LHX4: variants seen among roughly 807,000 people sequenced by gnomAD.
The protein encoded by LHX4 is LIM/homeobox protein Lhx4.
In LHX4, 16 loss-of-function variants were observed where a neutral mutation model predicts 39.2. The ratio of observed to expected loss-of-function variants is 0.41; its 90% CI spans 0.28 to 0.62. The LOEUF (loss-of-function observed/expected upper bound fraction) is 0.62, where lower values mean the gene tolerates loss of function less well. Among genes scored for constraint, LHX4 ranks in the 20% least tolerant of loss-of-function variants. LHX4 has a pLI of 0.33. For synonymous variants in LHX4, 206 were observed against 198.1 expected (o/e 1.04, Z -0.33); for missense variants, 439 against 511.9 (o/e 0.86, Z 1.37).
At chr1:180,250,863 C>T (rs1339536995) in intron 2 of LHX4, among the ~76,000 whole-genome samples, 2 of 152,192 alleles carry the variant, frequency 1.3e-5, no homozygotes, top group Non-Finnish European at 2.9e-5. Context: ...AGGAAGCGCC[C>T]ACAGTGTGTG....
intron 1 of LHX4, among the ~76,000 whole-genome samples, chr1:180,242,879 T>A (rs916478279): frequency 3.3e-5 from 5 of 152,228 alleles, no homozygotes; most frequent in Admixed American, 1.3e-4. Flanking sequence ...ACTCCAAGCA[T>A]CTATGTAAAT....
intron 2 of LHX4, among the ~76,000 whole-genome samples, chr1:180,261,794 C>T (rs962798480): frequency 2.0e-5 from 3 of 152,216 alleles, no homozygotes; most frequent in Non-Finnish European, 2.9e-5. Context: ...TCAGCTCGCT[C>T]ACGCCGCCAG....
intron 2 of LHX4, among the ~76,000 whole-genome samples, chr1:180,265,412 T>C (rs1367726487): frequency 6.6e-6 from 1 of 152,164 alleles, no homozygotes; most frequent in African/African-American, 2.4e-5. Flanking sequence ...GCCCCCAAAT[T>C]TCCCTCGTCT....
At chr1:180,271,099 TGAG>T (rs1648621980) in intron 3 of LHX4, 1 of 510,500 alleles carries the variant, frequency 2.0e-6, no homozygotes. Flanking sequence ...TTCAATCTGA[TGAG>T]ACTTCTGTGC....
At chr1:180,240,000 G>GA (rs1391219321) in intron 1 of LHX4, among the ~76,000 whole-genome samples, 1 of 152,142 alleles carries the variant, frequency 6.6e-6, no homozygotes, top group African/African-American at 2.4e-5. Context: ...AAAGGAGCAA[G>GA]AAAAACCTTG....
chr1:180,268,133 C>T (rs943970294), intron 3 of LHX4, among the ~76,000 whole-genome samples: 2 of 152,192 alleles, frequency 1.3e-5, no homozygotes, highest in South Asian at 4.1e-4. Context: ...GCCTTGAAGT[C>T]AATTGTGATG....
At chr1:180,263,914 C>T (rs1433420797) in intron 2 of LHX4, among the ~76,000 whole-genome samples, 1 of 152,054 alleles carries the variant, frequency 6.6e-6, no homozygotes, top group Non-Finnish European at 1.5e-5. Context: ...TCCAGATTTG[C>T]GTGGTTTGTT....
chr1:180,249,746 A>G (rs925374603), intron 2 of LHX4, among the ~76,000 whole-genome samples: 3 of 152,232 alleles, frequency 2.0e-5, no homozygotes, highest in Non-Finnish European at 4.4e-5. Context: ...TCTTTAGTGC[A>G]GTGAGTTGAA....
chr1:180,259,964 A>G (rs1648038432), intron 2 of LHX4, among the ~76,000 whole-genome samples: 1 of 151,504 alleles, frequency 6.6e-6, no homozygotes, highest in African/African-American at 2.4e-5. Context: ...GAGGGAGGGT[A>G]GAGGCCACAG....
chr1:180,257,159 G>A (rs1018363511), intron 2 of LHX4, among the ~76,000 whole-genome samples: 5 of 152,140 alleles, frequency 3.3e-5, no homozygotes, highest in Non-Finnish European at 4.4e-5. Context: ...TTGGGCTCTC[G>A]TCCACTTCCT....
chr1:180,229,525 G>C (rs902620740), upstream of LHX4, among the ~76,000 whole-genome samples: 1 of 152,180 alleles, frequency 6.6e-6, no homozygotes, highest in African/African-American at 2.4e-5. Context: ...TCCGGGCCGA[G>C]TACGGGCTGT....
chr1:180,248,194 C>T (rs1173517207), intron 1 of LHX4, 91 bp from the exon 2 acceptor site: 3 of 1,234,838 alleles, frequency 2.4e-6, no homozygotes, highest in Non-Finnish European at 3.5e-6. Flanking sequence ...TTTCCACCAT[C>T]AGCAGAGTGG....
chr1:180,271,698 G>A, intron 4 of LHX4, 137 bp from the exon 5 acceptor site: 1 of 1,285,310 alleles, frequency 7.8e-7, no homozygotes, highest in South Asian at 1.2e-5. Context: ...GGGGAGAGGG[G>A]GTGGGGCGCA....
chr1:180,247,190 T>C (rs1217993452), intron 1 of LHX4, among the ~76,000 whole-genome samples: 2 of 152,122 alleles, frequency 1.3e-5, no homozygotes, highest in African/African-American at 4.8e-5. Context: ...CAAAATACTA[T>C]CAAATTCGCA....
Position 180,264,517 on chromosome 1 carries a change from C to G in LHX4, c.249-1875C>G, listed in dbSNP as rs78112264. ...CACCTGTGTTCTGGGAGGTCTAGAA[C>G]CATCCAGAGCCGACTGTGTGCTTTG... is the stretch of plus-strand genomic sequence containing the variant. On this transcript the variant is annotated intron_variant, in intron 2 of 5. Transcript: ENST00000263726. Among the ~76,000 whole-genome samples, 676 of 152,288 alleles carry G rather than the reference C, an allele frequency of 4.4e-3. 3 individuals carry two copies. Among genetic ancestry groups the G allele is most frequent in the African/African-American group, 0.015 (631 of 41,544 alleles).
intron 2 of LHX4, among the ~76,000 whole-genome samples, chr1:180,264,906 A>T (rs1217909610): frequency 2.6e-5 from 4 of 151,792 alleles, no homozygotes; most frequent in Admixed American, 1.3e-4. Context: ...CCTGAAGTAC[A>T]CTCTGGGTCT....
At chr1:180,240,840 C>G (rs182300011) in intron 1 of LHX4, among the ~76,000 whole-genome samples, 2 of 152,288 alleles carry the variant, frequency 1.3e-5, no homozygotes, top group Admixed American at 1.3e-4. Flanking sequence ...TTCTGATGGG[C>G]CACTGTGAAA....
intron 2 of LHX4, among the ~76,000 whole-genome samples, chr1:180,260,069 C>T (rs1045921160): frequency 6.6e-6 from 1 of 151,502 alleles, no homozygotes; most frequent in South Asian, 2.1e-4. Context: ...TGAGGGTGAG[C>T]CTGAGTTAAG....
At chr1:180,248,081 G>T (rs1571264567) in intron 1 of LHX4, among the ~76,000 whole-genome samples, 1 of 152,216 alleles carries the variant, frequency 6.6e-6, no homozygotes, top group Admixed American at 6.5e-5. Context: ...GCAAAGCAAG[G>T]GTTGGCTTTC....
Sources: gnomAD v4.1 joint callset for allele counts (sites outside exome capture counted in the v4.1 genomes callset) on GRCh38, gnomAD v4.1.1 for gene constraint, MANE v1.5 for transcripts, NCBI Gene and HGNC (gene_info 2026-07-23, HGNC 2026-07-21) for gene names.